CDKN3: variants seen among roughly 807,000 people sequenced by gnomAD.
CDKN3 encodes cyclin-dependent kinase inhibitor 3.
A neutral mutation model predicts 36.1 loss-of-function variants in CDKN3; 19 were observed. The ratio of observed to expected loss-of-function variants is 0.53; its 90% CI spans 0.37 to 0.77. The LOEUF is 0.77. CDKN3 is among the 30% of genes least tolerant of loss of function. The pLI, the probability that CDKN3 is intolerant of heterozygous loss-of-function variation, is 0.00. For missense variants in CDKN3, 188 were observed against 248.6 expected, an observed-to-expected ratio of 0.76 and a Z score of 1.64; for synonymous variants, 71 against 85.3, an observed-to-expected ratio of 0.83 and a Z score of 0.92.
chr14:54,409,898 A>C (rs1251614553), intron 4 of CDKN3, among the ~76,000 whole-genome samples: 1 of 152,048 alleles, frequency 6.6e-6, no homozygotes, highest in African/African-American at 2.4e-5. Flanking sequence ...CTCAAAAAAA[A>C]AAAAAAAGTA....
chr14:54,412,356 G>C (rs1425826985), intron 5 of CDKN3, among the ~76,000 whole-genome samples: 1 of 150,852 alleles, frequency 6.6e-6, no homozygotes, highest in Non-Finnish European at 1.5e-5. Flanking sequence ...CTGCACTCCA[G>C]CCTGGGTGAC....
chr14:54,407,424 G>A (rs1317547483), intron 3 of CDKN3, among the ~76,000 whole-genome samples: 1 of 152,254 alleles, frequency 6.6e-6, no homozygotes, highest in Non-Finnish European at 1.5e-5. Flanking sequence ...AAATGTTTAA[G>A]TCTGCTGAAG....
chr14:54,402,604 T>G (rs1226107139), intron 3 of CDKN3, among the ~76,000 whole-genome samples: 1 of 152,224 alleles, frequency 6.6e-6, no homozygotes, highest in Non-Finnish European at 1.5e-5. Flanking sequence ...CTTTGGTGTT[T>G]TAGTCATGAA....
intron 5 of CDKN3, among the ~76,000 whole-genome samples, chr14:54,414,937 G>T (rs73271034): frequency 2.6e-5 from 4 of 151,968 alleles, no homozygotes; most frequent in Non-Finnish European, 4.4e-5. Context: ...AAGACTAGGG[G>T]TCAATACCTA....
At chr14:54,416,314 A>T (rs532406310) in intron 6 of CDKN3, among the ~76,000 whole-genome samples, 2 of 152,344 alleles carry the variant, frequency 1.3e-5, no homozygotes, top group East Asian at 3.8e-4. Context: ...TAATGTACTA[A>T]GAAAAACAAA....
At chr14:54,411,133 G>A (rs912422624) in intron 4 of CDKN3, 4 of 179,200 alleles carry the variant, frequency 2.2e-5, no homozygotes, top group Middle Eastern at 1.6e-3. Context: ...AGCTGAGATC[G>A]TGCCATTGCA....
At chr14:54,415,809 T>C in intron 5 of CDKN3, 90 bp from the exon 6 acceptor site, 1 of 903,392 alleles carries the variant, frequency 1.1e-6, no homozygotes, top group East Asian at 2.4e-5. Context: ...GGCATTAGAG[T>C]TGTAAATAGA....
intron 6 of CDKN3, among the ~76,000 whole-genome samples, chr14:54,417,630 G>A (rs989273060): frequency 6.6e-6 from 1 of 152,162 alleles, no homozygotes; most frequent in African/African-American, 2.4e-5. Context: ...TTAAATGGAT[G>A]AAAGAATGAA....
At chr14:54,417,409 T>C (rs1169601203) in intron 6 of CDKN3, among the ~76,000 whole-genome samples, 1 of 152,154 alleles carries the variant, frequency 6.6e-6, no homozygotes. Context: ...CAAAAAAATA[T>C]TGTATGTTTC....
chr14:54,401,488 A>T, intron 2 of CDKN3, 36 bp from the exon 3 acceptor site: 1 of 1,475,794 alleles, frequency 6.8e-7, no homozygotes, highest in South Asian at 1.2e-5. Flanking sequence ...CTTTTTAAAA[A>T]CTTAACTAAA....
At chr14:54,399,749 T>TA (rs1322124809) in intron 1 of CDKN3, 145 bp from the exon 2 acceptor site, 2 of 637,406 alleles carry the variant, frequency 3.1e-6, no homozygotes, top group Non-Finnish European at 2.8e-6. Context: ...CATTTATTAT[T>TA]AATATTGCTG....
At chr14:54,407,366 G>C (rs4251616) in intron 3 of CDKN3, among the ~76,000 whole-genome samples, 1 of 152,216 alleles carries the variant, frequency 6.6e-6, no homozygotes, top group Non-Finnish European at 1.5e-5. Flanking sequence ...AGCAAAGCTC[G>C]AGCACTGTGC....
chr14:54,406,625 C>G (rs1377266991), intron 3 of CDKN3, among the ~76,000 whole-genome samples: 4 of 151,688 alleles, frequency 2.6e-5, no homozygotes, highest in Admixed American at 6.6e-5. Flanking sequence ...TCTGCTTGAT[C>G]GATTCAGCTA....
At chr14:54,415,107 A>G (rs1594608606) in intron 5 of CDKN3, among the ~76,000 whole-genome samples, 1 of 152,210 alleles carries the variant, frequency 6.6e-6, no homozygotes, top group East Asian at 1.9e-4. Context: ...CATGTAATAC[A>G]TTTTTTAGGA....
At chr14:54,407,010 T>C (rs2030182157) in intron 3 of CDKN3, among the ~76,000 whole-genome samples, 1 of 152,192 alleles carries the variant, frequency 6.6e-6, no homozygotes, top group Non-Finnish European at 1.5e-5. Context: ...GTTGGTGACT[T>C]TTGAATGGGG....
At chr14:54,405,193 T>G (rs969444013) in intron 3 of CDKN3, among the ~76,000 whole-genome samples, 13 of 152,230 alleles carry the variant, frequency 8.5e-5, no homozygotes, top group African/African-American at 3.1e-4. Context: ...GATTGCACTG[T>G]GGTCTGAGGG....
intron 7 of CDKN3, 92 bp from the exon 8 acceptor site, chr14:54,419,900 A>ATT: frequency 1.5e-6 from 1 of 689,052 alleles, no homozygotes; most frequent in Non-Finnish European, 2.5e-6. Flanking sequence ...CTTAGCAAGT[A>ATT]TTTTTTTTTA....
chr14:54,414,798 C>T (rs941709751), intron 5 of CDKN3, among the ~76,000 whole-genome samples: 2 of 151,330 alleles, frequency 1.3e-5, no homozygotes, highest in Admixed American at 1.3e-4. Context: ...GTCCTCCCAC[C>T]TTGGCCTCCC....
intron 5 of CDKN3, among the ~76,000 whole-genome samples, chr14:54,413,328 GC>G (rs1239117770): frequency 6.6e-6 from 1 of 151,328 alleles, no homozygotes; most frequent in African/African-American, 2.4e-5. Context: ...CCAACATAGG[GC>G]CCTATTTTTC....
Sources: allele counts gnomAD v4.1 joint callset (sites outside exome capture counted in the v4.1 genomes callset), GRCh38; gene constraint gnomAD v4.1.1; transcripts MANE v1.5; gene names NCBI Gene and HGNC (gene_info 2026-07-23, HGNC 2026-07-21).